The following LRRC7 variants were observed in gnomAD, a reference collection of about 807,000 sequenced individuals.
LRRC7 encodes the protein leucine-rich repeat-containing protein 7.
LRRC7 carries 23 observed loss-of-function variants against 175.7 expected under a neutral mutation model. The observed-to-expected ratio is 0.13, with a 90% CI of 0.09 to 0.19. The LOEUF (loss-of-function observed/expected upper bound fraction) is 0.19, where lower values mean the gene tolerates loss of function less well. Ranked by LOEUF, LRRC7 falls within the 10% of genes least tolerant of loss-of-function variation. The pLI is 1.00. For synonymous variants in LRRC7, 685 were observed against 680.9 expected (o/e 1.01, Z -0.09); for missense variants, 1,354 against 1,904.7 (o/e 0.71, Z 5.38).
chr1:69,754,932 A>G (rs1187802655), intron 2 of LRRC7, among the ~76,000 whole-genome samples: 2 of 152,028 alleles, frequency 1.3e-5, no homozygotes, highest in Non-Finnish European at 2.9e-5. Context: ...TGTAAAGAAA[A>G]AAAGGGTACA....
rs1571318938 is a variant in LRRC7, at chr1:70,098,197, T to C, written c.4545+8378T>C. ...TATCTCATGGTGGTTTTGATTTGCA[T>C]TTCTCTGATGGCCAGTGATGATGAG... On this transcript the variant is annotated intron_variant, in intron 25 of 26. Transcript: ENST00000651989. 2.0e-5 allele frequency among the ~76,000 whole-genome samples: 3 copies of C among 152,344 alleles called. No homozygotes were observed. In the East Asian group the frequency reaches 5.8e-4, roughly 29 times the overall value.
At chr1:70,060,914 A>C (rs1661529389) in intron 23 of LRRC7, among the ~76,000 whole-genome samples, 1 of 152,210 alleles carries the variant, frequency 6.6e-6, no homozygotes, top group Admixed American at 6.5e-5. Flanking sequence ...TCCCTCCCAA[A>C]GAAATGCATG....
At chr1:69,668,002 A>G (rs1658523710) in intron 1 of LRRC7, among the ~76,000 whole-genome samples, 1 of 151,946 alleles carries the variant, frequency 6.6e-6, no homozygotes, top group African/African-American at 2.4e-5. Flanking sequence ...TGAGGTCACC[A>G]TGAGGCCTGC....
chr1:70,020,855 C>G, intron 15 of LRRC7, 150 bp from the exon 16 acceptor site: 13 of 506,148 alleles, frequency 2.6e-5, no homozygotes, highest in South Asian at 5.1e-5. Flanking sequence ...ATTCTTTTCT[C>G]TTTCCTTCTT....
At chr1:69,798,925 T>C (rs1263596468) in intron 4 of LRRC7, among the ~76,000 whole-genome samples, 1 of 152,140 alleles carries the variant, frequency 6.6e-6, no homozygotes, top group Non-Finnish European at 1.5e-5. Flanking sequence ...TAAGAGTAGC[T>C]TCATGCTTTA....
chr1:69,592,033 C>T (rs1167460442), intron 1 of LRRC7, among the ~76,000 whole-genome samples: 1 of 152,086 alleles, frequency 6.6e-6, no homozygotes, highest in Non-Finnish European at 1.5e-5. Context: ...TCTCTAGTCT[C>T]ATTCACCTTA....
intron 7 of LRRC7, among the ~76,000 whole-genome samples, chr1:69,856,246 A>G (rs189424590): frequency 6.6e-6 from 1 of 152,312 alleles, no homozygotes; most frequent in East Asian, 1.9e-4. Flanking sequence ...AGCAGAAGGT[A>G]AGAAATAACT....
intron 7 of LRRC7, among the ~76,000 whole-genome samples, chr1:69,910,340 A>G (rs564527687): frequency 1.4e-4 from 21 of 151,974 alleles, no homozygotes; most frequent in African/African-American, 4.6e-4. Flanking sequence ...GTCTTTGATG[A>G]TGGTGACGTA....
chr1:69,780,283 G>C (rs1218668427), intron 3 of LRRC7, among the ~76,000 whole-genome samples: 1 of 152,130 alleles, frequency 6.6e-6, no homozygotes, highest in East Asian at 1.9e-4. Context: ...ATTTCTTTGG[G>C]AATAAAATGT....
intron 4 of LRRC7, among the ~76,000 whole-genome samples, chr1:69,794,718 C>A (rs539843632): frequency 6.6e-6 from 1 of 151,980 alleles, no homozygotes; most frequent in Non-Finnish European, 1.5e-5. Flanking sequence ...AATTTGTCAC[C>A]CAATATAAAC....
chr1:70,003,705 C>T (rs769531815), intron 11 of LRRC7, among the ~76,000 whole-genome samples: 1 of 152,100 alleles, frequency 6.6e-6, no homozygotes. Context: ...CTTCCTTCCC[C>T]AGCATTTCAG....
At chr1:70,010,693 T>C (rs1656425666) in intron 11 of LRRC7, among the ~76,000 whole-genome samples, 1 of 152,200 alleles carries the variant, frequency 6.6e-6, no homozygotes, top group Admixed American at 6.5e-5. Flanking sequence ...AGCAATATAA[T>C]AGGAATAGTA....
intron 7 of LRRC7, among the ~76,000 whole-genome samples, chr1:69,917,288 C>G (rs567593145): frequency 6.6e-6 from 1 of 152,216 alleles, no homozygotes; most frequent in East Asian, 1.9e-4. Context: ...CAGTAGAGAT[C>G]ATATCTTCAG....
Position 69,924,279 on chromosome 1 carries a change from G to A in LRRC7, c.648-7228G>A, listed in dbSNP as rs947462477. ...TCTTTTGGCTTAGGATTGCCTTGGC[G>A]ATGCGGGCTCTTTTTTGGTTCCATA... On this transcript the variant is annotated intron_variant, in intron 7 of 26. Transcript: ENST00000651989. Among the ~76,000 whole-genome samples, 86 of 152,106 alleles carry A rather than the reference G, an allele frequency of 5.7e-4. 1 individual carries two copies. The highest frequency in any genetic ancestry group is 3.4e-3 in the Admixed American group (52 of 15,266).
intron 1 of LRRC7, chr1:69,606,933 T>C (rs779922791): frequency 1.2e-4 from 19 of 152,254 alleles, no homozygotes; most frequent in Admixed American, 5.9e-4. Context: ...GGGTTCCTTA[T>C]AGTTCATGCT....
intron 2 of LRRC7, among the ~76,000 whole-genome samples, chr1:69,693,000 C>G (rs1432106288): frequency 2.6e-5 from 4 of 152,248 alleles, no homozygotes; most frequent in Non-Finnish European, 5.9e-5. Flanking sequence ...CCATCTTCTC[C>G]TGCCTTTGGT....
At chr1:69,916,326 G>C (rs1441090003) in intron 7 of LRRC7, among the ~76,000 whole-genome samples, 1 of 137,844 alleles carries the variant, frequency 7.3e-6, no homozygotes, top group African/African-American at 2.7e-5. Context: ...TAGTTTTGTT[G>C]TTGCACTTCA....
chr1:70,067,188 C>T lies in LRRC7; in HGVS notation c.4231-8889C>T, dbSNP rs570165229. On this transcript the variant is annotated intron_variant, in intron 23 of 26. Transcript: ENST00000651989. ...GTTCTTTATATATTCTAGGTACTAT[C>T]CTCTATCAGATACATGATTTACAAA... is the stretch of plus-strand genomic sequence containing the variant. 2.6e-4 allele frequency among the ~76,000 whole-genome samples: 39 copies of T among 152,102 alleles called. No homozygotes were observed. In the South Asian group the frequency reaches 7.5e-3, roughly 29 times the overall value.
intron 3 of LRRC7, among the ~76,000 whole-genome samples, chr1:69,761,582 A>G (rs554771057): frequency 5.3e-4 from 80 of 152,106 alleles, no homozygotes; most frequent in Non-Finnish European, 1.0e-3. Flanking sequence ...CTTAGATGAC[A>G]CTATACACAG....
Sources: gnomAD v4.1 joint callset for allele counts (sites outside exome capture counted in the v4.1 genomes callset) on GRCh38, gnomAD v4.1.1 for gene constraint, MANE v1.5 for transcripts, NCBI Gene and HGNC (gene_info 2026-07-23, HGNC 2026-07-21) for gene names.